The following DSG4 variants were observed in gnomAD, a reference collection of about 807,000 sequenced individuals.
DSG4 encodes desmoglein 4, also known as desmoglein-4.
Under a neutral mutation model 93.1 loss-of-function variants are expected in DSG4, and 87 were observed. That is an observed-to-expected ratio of 0.93 (90% CI 0.79 to 1.12). The LOEUF (loss-of-function observed/expected upper bound fraction) is 1.12, where lower values mean the gene tolerates loss of function less well. DSG4 is among the 50% of genes most tolerant of loss of function. DSG4 has a pLI of 0.00. For synonymous variants in DSG4, 432 were observed against 452.9 expected, an observed-to-expected ratio of 0.95 and a Z score of 0.59; for missense variants, 1,373 against 1,285.7, an observed-to-expected ratio of 1.07 and a Z score of -1.04.
chr18:31,388,798 T>A, intron 4 of DSG4, 76 bp from the exon 5 acceptor site: 3 of 1,607,536 alleles, frequency 1.9e-6, no homozygotes, highest in African/African-American at 1.3e-5. Flanking sequence ...TCTTTGCCTA[T>A]TTTCTGATAT....
intron 7 of DSG4, 150 bp from the exon 8 acceptor site, chr18:31,392,005 T>A (rs556181756): frequency 1.3e-5 from 9 of 684,438 alleles, no homozygotes; most frequent in Admixed American, 8.6e-5. Context: ...ATTTTATTCT[T>A]ATTCTCCTGA....
At position 31,392,352 on chromosome 18, in the gene DSG4, G is replaced by T; in HGVS notation, c.1005+12G>T. 1 of 1,612,846 alleles carries T rather than the reference G, an allele frequency of 6.2e-7. No individual in the cohort carries two copies. The highest frequency in any genetic ancestry group is 8.5e-7 in the Non-Finnish European group (1 of 1,179,310). ...TGAAAGTTGTCAAGGTACAGTATAA[G>T]GATCTGCAATATTTTCTTCCAAAAT... On this transcript the variant is annotated intron_variant, in intron 8 of 15. Transcript: ENST00000308128.
intron 5 of DSG4, 42 bp from the exon 6 acceptor site, chr18:31,390,614 C>A: frequency 6.2e-7 from 1 of 1,610,512 alleles, no homozygotes. Context: ...TGAATTTATT[C>A]TAAGAGTCCC....
rs1208030816 is a variant in DSG4 at position 31,392,340 on chromosome 18, G to T, written c.1005G>T (p.Lys335Asn). 1 of 1,613,350 alleles carries T rather than the reference G, an allele frequency of 6.2e-7. No homozygotes were observed. Among genetic ancestry groups the T allele is most frequent in the Non-Finnish European group, 8.5e-7 (1 of 1,179,646 alleles). ...ATGAAGGCATTTTGAAAGTTGTCAAGGTACAGTATAAGGATCTGCAATATT... is the reference window on the plus strand; with the variant it reads ...ATGAAGGCATTTTGAAAGTTGTCAATGTACAGTATAAGGATCTGCAATATT... ...QTNEGILKVVKMLDYEQAPNI... is the reference protein window; with the variant it reads ...QTNEGILKVVNMLDYEQAPNI... Residue 335 changes from lysine to asparagine, a missense_variant and splice_region_variant, in exon 8 of 16, where the codon AAG becomes AAT. Physicochemically the swap from Lys to Asn is moderately conservative, Grantham distance 94. Coordinates refer to ENST00000308128, the MANE Select transcript of DSG4 (RefSeq NM_177986.5).
rs1724370603 is a variant in DSG4, at chr18:31,412,858, G to A, written c.2386G>A (p.Gly796Ser). The stretch of plus-strand genomic sequence containing the variant: ...GTATGCTTATGCAGATGAAGATGAA[G>A]GTCGACCAGCCAATGACTGCTTGCT... ...KAYAYADEDE[G>S]RPANDCLLIY... Residue 796 changes from glycine to serine, a missense_variant, in exon 16 of 16, where the codon GGT becomes AGT. Transcript: ENST00000308128. The A allele has an allele frequency of 1.2e-6, 2 of 1,614,042 alleles. No homozygotes were observed. The highest frequency in any genetic ancestry group is 3.3e-5 in the Admixed American group (2 of 60,004).
At chr18:31,386,164 G>A (rs1026322226) in intron 2 of DSG4, among the ~76,000 whole-genome samples, 2 of 152,052 alleles carry the variant, frequency 1.3e-5, no homozygotes, top group African/African-American at 4.8e-5. Flanking sequence ...TTCTAATTCT[G>A]CAAAAATATA....
In DSG4 at chr18:31,399,288, A is replaced by C; in HGVS notation, c.1022A>C (p.Gln341Pro). The part of the protein sequence containing the change: ...LKVVKMLDYE[Q>P]APNIQLSIGV... The stretch of plus-strand genomic sequence containing the variant: ...TCATTTCAGATGCTGGATTATGAAC[A>C]AGCACCTAACATTCAGCTTAGTATC... Residue 341 changes from glutamine (Q) to proline (P), a missense_variant, in exon 9 of 16, where the codon CAA (glutamine) becomes CCA (proline). Coordinates refer to ENST00000308128, the MANE Select transcript of DSG4 (RefSeq NM_177986.5). 1 of 1,614,022 alleles carries C rather than the reference A, an allele frequency of 6.2e-7. No individual in the cohort carries two copies. Among genetic ancestry groups the C allele is most frequent in the South Asian group, 1.1e-5 (1 of 91,086 alleles).
chr18:31,390,029 C>G (rs1043144996), intron 5 of DSG4, among the ~76,000 whole-genome samples: 1 of 152,132 alleles, frequency 6.6e-6, no homozygotes, highest in African/African-American at 2.4e-5. Flanking sequence ...AAAAGTCTGT[C>G]CTGTAGATTG....
intron 9 of DSG4, among the ~76,000 whole-genome samples, chr18:31,400,200 T>A (rs1207856821): frequency 6.6e-6 from 1 of 152,148 alleles, no homozygotes; most frequent in African/African-American, 2.4e-5. Context: ...ATTCTTAGAG[T>A]AAACGAAGTC....
intron 15 of DSG4, 22 bp from the exon 16 acceptor site, chr18:31,412,806 C>G (rs771044999): frequency 3.7e-6 from 6 of 1,613,292 alleles, no homozygotes; most frequent in Non-Finnish European, 5.1e-6. Context: ...ATTTCTAATT[C>G]TGTATTTCCT....
At chr18:31,383,510 A>C (rs535441511) in intron 1 of DSG4, among the ~76,000 whole-genome samples, 1 of 152,132 alleles carries the variant, frequency 6.6e-6, no homozygotes, top group African/African-American at 2.4e-5. Flanking sequence ...CTAGTTTAAA[A>C]CTAGAGTTTT....
At chr18:31,407,482 T>A (rs58352802) in intron 12 of DSG4, among the ~76,000 whole-genome samples, 21,624 of 152,184 alleles carry the variant, frequency 0.14, 1,653 homozygotes, top group East Asian at 0.19. Flanking sequence ...TTTTTAAACA[T>A]ATAGATCCTC....
In DSG4 at chr18:31,412,856, A is replaced by G; in HGVS notation, c.2384A>G (p.Glu795Gly). The G allele has an allele frequency of 6.2e-6, 10 of 1,614,240 alleles. No individual in the cohort carries two copies. Among genetic ancestry groups the G allele is most frequent in the Non-Finnish European group, 8.5e-6 (10 of 1,180,030 alleles). The change falls in exon 16 of 16, where the codon GAA becomes GGA. Residue 795 changes from glutamate (E) to glycine (G), a missense_variant. Transcript: ENST00000308128. ...EKAYAYADEDEGRPANDCLLI... is the reference protein window; with the variant it reads ...EKAYAYADEDGGRPANDCLLI... ...GCGTATGCTTATGCAGATGAAGATG[A>G]AGGTCGACCAGCCAATGACTGCTTG... is the stretch of plus-strand genomic sequence containing the variant.
intron 8 of DSG4, among the ~76,000 whole-genome samples, chr18:31,395,310 A>T (rs1293624778): frequency 6.6e-6 from 1 of 152,144 alleles, no homozygotes; most frequent in African/African-American, 2.4e-5. Flanking sequence ...AATTTCATGA[A>T]AAATTTGTCA....
chr18:31,385,037 A>T (rs1005750964), intron 1 of DSG4, 99 bp from the exon 2 acceptor site: 11 of 1,062,500 alleles, frequency 1.0e-5, no homozygotes, highest in African/African-American at 6.4e-5. Context: ...ATGTATATTT[A>T]AAAATGAATT....
intron 15 of DSG4, 148 bp from the exon 16 acceptor site, chr18:31,412,680 G>C (rs1219551632): frequency 2.5e-6 from 2 of 797,938 alleles, no homozygotes; most frequent in Non-Finnish European, 3.9e-6. Flanking sequence ...TGCATGGATA[G>C]TATCAATTAT....
At chr18:31,398,626 G>T (rs1307886034) in intron 8 of DSG4, among the ~76,000 whole-genome samples, 1 of 151,932 alleles carries the variant, frequency 6.6e-6, no homozygotes, top group Non-Finnish European at 1.5e-5. Context: ...AATCATTCTG[G>T]ATCAAAAGAT....
intron 1 of DSG4, among the ~76,000 whole-genome samples, chr18:31,383,995 G>T (rs1452014575): frequency 6.6e-6 from 1 of 152,106 alleles, no homozygotes; most frequent in Non-Finnish European, 1.5e-5. Flanking sequence ...TTTAGGTCAT[G>T]TAATTCAGAA....
rs549356200 is a variant in DSG4, at chr18:31,408,599, A to G, written c.1934-853A>G. 1.4e-4 allele frequency among the ~76,000 whole-genome samples: 22 copies of G among 152,366 alleles called. No homozygotes were observed. In the East Asian group the frequency reaches 4.0e-3, roughly 28 times the overall value. On this transcript the variant is annotated intron_variant, in intron 12 of 15. Coordinates refer to ENST00000308128, the MANE Select transcript of DSG4 (RefSeq NM_177986.5). ...TAATAGGTGTACATATTTATGGGGT[A>G]CATTAGCTGCTTTGATACAGGCATG...
Sources: allele counts gnomAD v4.1 joint callset (sites outside exome capture counted in the v4.1 genomes callset), GRCh38; gene constraint gnomAD v4.1.1; transcripts MANE v1.5; gene names NCBI Gene and HGNC (gene_info 2026-07-23, HGNC 2026-07-21).